Variants in EPHA6 observed in about 807,000 individuals in gnomAD.
The protein encoded by EPHA6 is EPH receptor A6.
A neutral mutation model predicts 112.0 loss-of-function variants in EPHA6; 50 were observed. That is an observed-to-expected ratio of 0.45 (90% CI 0.36 to 0.56). The LOEUF is 0.56. Ranked by LOEUF, EPHA6 falls within the 20% of genes least tolerant of loss-of-function variation. EPHA6 has a pLI of 0.00. For missense variants in EPHA6, 1,280 were observed against 1,417.4 expected (o/e 0.90, Z 1.56); for synonymous variants, 529 against 490.7 (o/e 1.08, Z -1.03).
At chr3:97,731,395 G>C (rs368019762) in intron 15 of EPHA6, among the ~76,000 whole-genome samples, 16 of 152,046 alleles carry the variant, frequency 1.1e-4, no homozygotes, top group African/African-American at 3.6e-4. Flanking sequence ...AGCTGAGCTA[G>C]AGCTGCAGAC....
intron 10 of EPHA6, among the ~76,000 whole-genome samples, chr3:97,492,489 C>T (rs561473888): frequency 7.6e-6 from 1 of 131,126 alleles, no homozygotes; most frequent in Admixed American, 9.4e-5. Flanking sequence ...TTGTAGTGAA[C>T]CGAGATAGTG....
chr3:97,261,970 C>G (rs1335374346), intron 5 of EPHA6, among the ~76,000 whole-genome samples: 3 of 152,114 alleles, frequency 2.0e-5, no homozygotes, highest in African/African-American at 4.8e-5. Flanking sequence ...ATTTTGAGAC[C>G]TGGACCTAGG....
chr3:96,863,830 G>T (rs888210609), intron 1 of EPHA6, among the ~76,000 whole-genome samples: 6 of 151,928 alleles, frequency 3.9e-5, no homozygotes, highest in Non-Finnish European at 7.4e-5. Context: ...ATTTCAATAC[G>T]CATTAGAGAT....
intron 7 of EPHA6, among the ~76,000 whole-genome samples, chr3:97,473,617 GT>G (rs931957287): frequency 6.6e-6 from 1 of 151,756 alleles, no homozygotes; most frequent in Admixed American, 6.6e-5. Context: ...AGTAAATAAT[GT>G]TTTTTGGGTA....
intron 2 of EPHA6, among the ~76,000 whole-genome samples, chr3:96,894,759 G>A (rs1346690287): frequency 6.6e-6 from 1 of 151,994 alleles, no homozygotes; most frequent in Admixed American, 6.6e-5. Flanking sequence ...TCTTATAGGT[G>A]GTTCCTGAGA....
intron 13 of EPHA6, among the ~76,000 whole-genome samples, chr3:97,628,846 G>A (rs1451895393): frequency 6.6e-6 from 1 of 151,896 alleles, no homozygotes; most frequent in African/African-American, 2.4e-5. Context: ...TTTGTGCTGA[G>A]GTAGAAAAGT....
chr3:97,195,757 A>G (rs1225718024), intron 3 of EPHA6, among the ~76,000 whole-genome samples: 1 of 152,082 alleles, frequency 6.6e-6, no homozygotes, highest in Non-Finnish European at 1.5e-5. Flanking sequence ...TTCACTAGAT[A>G]TACTATTTTA....
At chr3:97,415,682 A>G (rs1001076048) in intron 6 of EPHA6, among the ~76,000 whole-genome samples, 27 of 152,196 alleles carry the variant, frequency 1.8e-4, no homozygotes, top group African/African-American at 6.3e-4. Context: ...TGTTTGAAGC[A>G]GATCACAAAA....
At chr3:97,368,583 A>G (rs1158582613) in intron 5 of EPHA6, among the ~76,000 whole-genome samples, 1 of 152,164 alleles carries the variant, frequency 6.6e-6, no homozygotes, top group African/African-American at 2.4e-5. Flanking sequence ...TATTTGCTAC[A>G]CTTATTTATC....
intron 2 of EPHA6, among the ~76,000 whole-genome samples, chr3:96,923,369 T>C (rs2039872828): frequency 6.6e-6 from 1 of 152,260 alleles, no homozygotes; most frequent in South Asian, 2.1e-4. Flanking sequence ...TGGTTTTGAT[T>C]TGCATTTCCC....
At position 97,509,095 on chromosome 3, in the gene EPHA6, A is replaced by G. The variant is rs575761800; in HGVS notation, c.2201-23263A>G. Among the ~76,000 whole-genome samples the G allele has an allele frequency of 6.9e-3, 957 of 138,508 alleles. 13 individuals are homozygous for G. The highest frequency in any genetic ancestry group is 0.024 in the African/African-American group (878 of 37,106). The allele number at this position is 138,508 out of a possible 152,430, so 90.9% of individuals were successfully genotyped here. On this transcript the variant is annotated intron_variant, in intron 10 of 17. Coordinates refer to ENST00000389672, the MANE Select transcript of EPHA6 (RefSeq NM_001080448.3). ...TGTGTGTGTCTTTGCACATGAGATG[A>G]GTCTCCTGAATACAGCACACTGATG... is the stretch of plus-strand genomic sequence containing the variant.
intron 3 of EPHA6, among the ~76,000 whole-genome samples, chr3:97,132,216 A>G (rs2075647224): frequency 6.6e-6 from 1 of 152,102 alleles, no homozygotes; most frequent in Admixed American, 6.5e-5. Context: ...ATATTTATTA[A>G]TTCATAAAGC....
chr3:97,698,984 G>C (rs1340892619), intron 14 of EPHA6, among the ~76,000 whole-genome samples: 1 of 152,178 alleles, frequency 6.6e-6, no homozygotes. Flanking sequence ...ATGGCCCAGT[G>C]TTACACAACC....
At chr3:97,543,420 T>C (rs1223842834) in intron 11 of EPHA6, among the ~76,000 whole-genome samples, 1 of 152,218 alleles carries the variant, frequency 6.6e-6, no homozygotes, top group Non-Finnish European at 1.5e-5. Flanking sequence ...TGCAGCATTA[T>C]TTCTGAGGGC....
intron 5 of EPHA6, among the ~76,000 whole-genome samples, chr3:97,313,053 TCTTA>T (rs2081635526): frequency 2.0e-5 from 3 of 151,514 alleles, no homozygotes. Context: ...GATCAACATC[TCTTA>T]CTTCCCTGTC....
rs140294381 is a variant in EPHA6, at chr3:96,940,958, C to G, written c.451-46372C>G. Among the ~76,000 whole-genome samples, 814 of 152,230 alleles carry G rather than the reference C, an allele frequency of 5.3e-3. 8 individuals are homozygous for G. Among genetic ancestry groups the G allele is most frequent in the African/African-American group, 0.017 (716 of 41,530 alleles). On this transcript the variant is annotated intron_variant, in intron 2 of 17. Coordinates refer to ENST00000389672, the MANE Select transcript of EPHA6 (RefSeq NM_001080448.3). ...CTCTTCTGGCTTGTAGAGTTTCTGC[C>G]GAGAGATCAGCTGTTAGTCTGATGG...
At chr3:97,447,630 A>G (rs2090390924) in intron 6 of EPHA6, 1 of 249,628 alleles carries the variant, frequency 4.0e-6, no homozygotes. Context: ...CATATTGTGG[A>G]CAATCTCTTA....
rs542361882 is a variant in EPHA6, at chr3:97,340,372, G to A, written c.1607-64778G>A. Among the ~76,000 whole-genome samples, 7 of 152,166 alleles carry A rather than the reference G, an allele frequency of 4.6e-5. No individual in the cohort carries two copies. The East Asian group carries it at 1.4e-3, about 29-fold the overall frequency. ...GTGACAGGGTGAGTGAGGAGATGGA[G>A]GTTTGGTTTATATAAGAGTTTAGTA... On this transcript the variant is annotated intron_variant, in intron 5 of 17. Transcript: ENST00000389672.
chr3:97,213,156 G>T lies in EPHA6; in HGVS notation c.1115-13108G>T, dbSNP rs186820292. Among the ~76,000 whole-genome samples, 150 of 152,266 alleles carry T rather than the reference G, an allele frequency of 9.9e-4. 1 individual carries two copies. Among genetic ancestry groups the T allele is most frequent in the Admixed American group, 9.4e-3 (144 of 15,290 alleles). On this transcript the variant is annotated intron_variant, in intron 3 of 17. Coordinates refer to ENST00000389672, the MANE Select transcript of EPHA6 (RefSeq NM_001080448.3). Reference sequence around the variant, plus strand: ...TTCTCTGTCTCTCCATGTTCTCCGGGTAGTTTCTGGTTTCCTGTGGTTTCT... The same window carrying T: ...TTCTCTGTCTCTCCATGTTCTCCGGTTAGTTTCTGGTTTCCTGTGGTTTCT...
Sources: gnomAD v4.1 joint callset for allele counts (sites outside exome capture counted in the v4.1 genomes callset) on GRCh38, gnomAD v4.1.1 for gene constraint, MANE v1.5 for transcripts, NCBI Gene and HGNC (gene_info 2026-07-23, HGNC 2026-07-21) for gene names.